GPC5: variants seen among roughly 807,000 people sequenced by gnomAD.
GPC5 encodes glypican 5, also known as glypican-5.
GPC5 carries 47 observed loss-of-function variants against 53.9 expected under a neutral mutation model. The observed-to-expected ratio is 0.87, with a 90% confidence interval of 0.69 to 1.11. The LOEUF is 1.11. GPC5 is among the 50% of genes most tolerant of loss of function. The pLI, the probability that GPC5 is intolerant of heterozygous loss-of-function variation, is 0.00. For missense variants in GPC5, 748 were observed against 713.1 expected (o/e 1.05, Z -0.56); for synonymous variants, 286 against 263.3 (o/e 1.09, Z -0.84).
chr13:92,016,588 C>A (rs2040709218), intron 6 of GPC5, among the ~76,000 whole-genome samples: 1 of 152,138 alleles, frequency 6.6e-6, no homozygotes, highest in African/African-American at 2.4e-5. Context: ...TGTATTACTG[C>A]CAATACACGC....
chr13:91,727,871 T>TA (rs1566641706), intron 3 of GPC5, among the ~76,000 whole-genome samples: 2 of 152,186 alleles, frequency 1.3e-5, no homozygotes, highest in Admixed American at 6.5e-5. Context: ...ATTACTTAAT[T>TA]TTTTCAATGA....
chr13:92,000,114 A>G (rs1477014584), intron 6 of GPC5, among the ~76,000 whole-genome samples: 1 of 152,138 alleles, frequency 6.6e-6, no homozygotes, highest in Non-Finnish European at 1.5e-5. Context: ...AATAACAACA[A>G]TCTGTTTTAA....
intron 5 of GPC5, among the ~76,000 whole-genome samples, chr13:91,902,012 A>G (rs778200742): frequency 1.3e-5 from 2 of 152,030 alleles, no homozygotes; most frequent in Non-Finnish European, 2.9e-5. Context: ...CTCATCTACT[A>G]TTAATGATTT....
chr13:92,399,271 C>A (rs900470362), intron 7 of GPC5, among the ~76,000 whole-genome samples: 2 of 152,090 alleles, frequency 1.3e-5, no homozygotes, highest in African/African-American at 2.4e-5. Context: ...AAAATATAGA[C>A]CCTTAAAATA....
intron 7 of GPC5, among the ~76,000 whole-genome samples, chr13:92,261,874 G>A (rs1242134975): frequency 6.6e-6 from 1 of 152,072 alleles, no homozygotes; most frequent in African/African-American, 2.4e-5. Flanking sequence ...GGATAAAATG[G>A]TATATCTAAA....
chr13:92,232,622 G>A (rs542157042), intron 7 of GPC5, among the ~76,000 whole-genome samples: 31 of 152,222 alleles, frequency 2.0e-4, no homozygotes, highest in African/African-American at 7.2e-4. Context: ...AGAAAGTGTT[G>A]AACTGACTAT....
intron 7 of GPC5, among the ~76,000 whole-genome samples, chr13:92,410,612 CAG>C (rs1875999439): frequency 6.6e-6 from 1 of 152,134 alleles, no homozygotes; most frequent in Non-Finnish European, 1.5e-5. Flanking sequence ...GCTGTGATAA[CAG>C]AAACACAAAA....
Position 92,658,870 on chromosome 13 carries a change from T to C in GPC5, c.1562-207412T>C, listed in dbSNP as rs556038307. 2.0e-5 allele frequency: 3 copies of C among 152,080 alleles called. No individual in the cohort carries two copies. The South Asian group carries it at 6.2e-4, about 32-fold the overall frequency. 9.4% of individuals were successfully genotyped at this position (152,080 alleles called of 1,614,324 possible). A position where few individuals can be genotyped will look rare whatever the true frequency, so the allele number is the denominator to read the frequency against. On this transcript the variant is annotated intron_variant, in intron 7 of 7. Transcript: ENST00000377067. ...ATAGGAGATGTATGTTTTGCTCTTA[T>C]TTTTTTCTGGCTTTACTGAGATATA...
chr13:91,435,306 T>A (rs1051060636), intron 1 of GPC5, among the ~76,000 whole-genome samples: 1 of 152,216 alleles, frequency 6.6e-6, no homozygotes, highest in African/African-American at 2.4e-5. Flanking sequence ...CCATTCAGTA[T>A]GATATTGGCT....
chr13:91,505,182 T>C (rs1884877289), intron 2 of GPC5, among the ~76,000 whole-genome samples: 1 of 152,058 alleles, frequency 6.6e-6, no homozygotes, highest in Non-Finnish European at 1.5e-5. Context: ...AACAGATTGA[T>C]AAAAGTAGCT....
chr13:91,878,770 G>A (rs925370544), intron 5 of GPC5, among the ~76,000 whole-genome samples: 3 of 152,122 alleles, frequency 2.0e-5, no homozygotes, highest in African/African-American at 7.2e-5. Flanking sequence ...GACCTCCCCA[G>A]CCATGTGGAA....
chr13:91,674,711 A>T (rs777770996), intron 2 of GPC5, among the ~76,000 whole-genome samples: 1 of 148,136 alleles, frequency 6.8e-6, no homozygotes, highest in Admixed American at 6.8e-5. Flanking sequence ...TATATTAATT[A>T]TATATATATA....
intron 7 of GPC5, among the ~76,000 whole-genome samples, chr13:92,316,042 T>A (rs956564037): frequency 1.3e-5 from 2 of 152,212 alleles, no homozygotes; most frequent in Non-Finnish European, 2.9e-5. Context: ...ACAGGTCAGA[T>A]AGAATTCGAT....
intron 7 of GPC5, among the ~76,000 whole-genome samples, chr13:92,479,000 A>G (rs1438407991): frequency 6.6e-6 from 1 of 152,150 alleles, no homozygotes; most frequent in East Asian, 1.9e-4. Flanking sequence ...AGTTTCAGGA[A>G]ATGAAGTGGA....
chr13:92,661,039 G>C (rs1420913581), intron 7 of GPC5, among the ~76,000 whole-genome samples: 1 of 152,068 alleles, frequency 6.6e-6, no homozygotes, highest in Non-Finnish European at 1.5e-5. Flanking sequence ...GGTGGCTCAT[G>C]CCTGTAATCA....
At chr13:91,620,355 A>G (rs1440451839) in intron 2 of GPC5, among the ~76,000 whole-genome samples, 1 of 152,148 alleles carries the variant, frequency 6.6e-6, no homozygotes, top group Non-Finnish European at 1.5e-5. Context: ...ACATGAGTCT[A>G]TGTGCTTTTA....
intron 7 of GPC5, among the ~76,000 whole-genome samples, chr13:92,758,940 T>A (rs1033841908): frequency 1.3e-5 from 2 of 151,884 alleles, no homozygotes; most frequent in Non-Finnish European, 2.9e-5. Context: ...TTCATTGGTT[T>A]ATTTTCAGAT....
intron 6 of GPC5, among the ~76,000 whole-genome samples, chr13:91,913,927 C>A (rs752560530): frequency 6.6e-6 from 1 of 152,184 alleles, no homozygotes; most frequent in African/African-American, 2.4e-5. Flanking sequence ...CAGATGTTTG[C>A]GTCAGACTCA....
intron 2 of GPC5, among the ~76,000 whole-genome samples, chr13:91,505,637 A>G (rs979749147): frequency 1.3e-5 from 2 of 152,266 alleles, no homozygotes; most frequent in East Asian, 1.9e-4. Flanking sequence ...CTACTCTTCC[A>G]TGCTATTTTT....
Sources: allele counts gnomAD v4.1 joint callset (sites outside exome capture counted in the v4.1 genomes callset), GRCh38; gene constraint gnomAD v4.1.1; transcripts MANE v1.5; gene names NCBI Gene and HGNC (gene_info 2026-07-23, HGNC 2026-07-21).